PPP4C: variants seen among roughly 807,000 people sequenced by gnomAD.
The protein encoded by PPP4C is serine/threonine-protein phosphatase 4 catalytic subunit.
PPP4C carries 10 observed loss-of-function variants against 40.5 expected under a neutral mutation model. The observed-to-expected ratio is 0.25, with a 90% CI of 0.15 to 0.42. The LOEUF (loss-of-function observed/expected upper bound fraction) is 0.42, where lower values mean the gene tolerates loss of function less well. Among genes scored for constraint, PPP4C ranks in the 10% least tolerant of loss-of-function variants. PPP4C has a pLI of 1.00. For missense variants in PPP4C, 191 were observed against 416.4 expected (o/e 0.46, Z 4.71); for synonymous variants, 187 against 163.6 (o/e 1.14, Z -1.09).
intron 3 of PPP4C, among the ~76,000 whole-genome samples, chr16:30,082,053 T>TAA (rs760700971): frequency 4.1e-5 from 5 of 120,536 alleles, no homozygotes; most frequent in Admixed American, 8.3e-5. Context: ...AGACTCCGTC[T>TAA]AAAAAAAAAA....
chr16:30,083,534 C>T lies in PPP4C; in HGVS notation c.444C>T (p.Asp148=), dbSNP rs949871282. 1.2e-6 allele frequency: 2 copies of T among 1,614,024 alleles called. No individual in the cohort carries two copies. Among genetic ancestry groups the T allele is most frequent in the East Asian group, 2.2e-5 (1 of 44,890 alleles). Residue 148 remains aspartate, a synonymous_variant, in exon 6 of 9, where the codon GAC becomes GAT. Coordinates refer to ENST00000279387, the MANE Select transcript of PPP4C (RefSeq NM_002720.3). This position sits in a 1 kb window ranked among gnomAD's most constrained non-coding sequence, Gnocchi z 6.3. ...TVWRYCTEIF[D]YLSLSAIIDG... Reference sequence around the variant, plus strand: ...GGCGCTACTGCACTGAGATCTTTGACTACCTCAGCCTGTCAGCCATCATCG... The same window carrying T: ...GGCGCTACTGCACTGAGATCTTTGATTACCTCAGCCTGTCAGCCATCATCG...
chr16:30,081,554 G>A, intron 3 of PPP4C: 1 of 366,984 alleles, frequency 2.7e-6, no homozygotes, highest in Non-Finnish European at 5.1e-6. Context: ...AGACCAGCCT[G>A]GCCAACATGG....
rs778321444 is a variant in PPP4C at position 30,084,871 on chromosome 16, C to CGGGCT, written c.794+20_794+24dup. On this transcript the variant is annotated intron_variant, in intron 8 of 8. Transcript: ENST00000279387. ...ACTGCTACCGGTGAGCCGGCTGGGC[C>CGGGCT]GGGCTGGGATGGGCGGGCATCTGAG... 72 of 1,613,760 alleles carry CGGGCT rather than the reference C, an allele frequency of 4.5e-5. No homozygotes were observed. The highest frequency in any genetic ancestry group is 6.0e-5 in the Non-Finnish European group (71 of 1,179,778).
chr16:30,084,044 GA>G (rs1312135760), intron 7 of PPP4C, among the ~76,000 whole-genome samples: 1 of 152,240 alleles, frequency 6.6e-6, no homozygotes, highest in East Asian at 1.9e-4. Flanking sequence ...TCAGAGGTCA[GA>G]ACCCCAGAAT....
intron 4 of PPP4C, 86 bp downstream of exon 4, chr16:30,082,620 C>T (rs1351218696): frequency 1.5e-4 from 241 of 1,557,378 alleles, no homozygotes; most frequent in Non-Finnish European, 2.1e-4. Context: ...TAATTTGGGG[C>T]GTGGAGTGGG....
intron 7 of PPP4C, among the ~76,000 whole-genome samples, chr16:30,084,194 C>T (rs1167746960): frequency 6.6e-6 from 1 of 152,220 alleles, no homozygotes; most frequent in Middle Eastern, 3.4e-3. Flanking sequence ...TCTGCTCCAG[C>T]GCAGACACAC....
At position 30,084,707 on chromosome 16, in the gene PPP4C, C is replaced by G. The variant is rs1452306192; in HGVS notation, c.646C>G (p.Leu216Val). 1 of 1,614,276 alleles carries G rather than the reference C, an allele frequency of 6.2e-7. No individual in the cohort carries two copies. Among genetic ancestry groups the G allele is most frequent in the African/African-American group, 1.3e-5 (1 of 75,076 alleles). Residue 216 changes from leucine (L) to valine (V), a missense_variant, in exon 8 of 9, where the codon CTA becomes GTA. Physicochemically the swap from Leu to Val is conservative, Grantham distance 32 (BLOSUM62 1). This residue lies in a region of PPP4C where 171 missense variants were observed against 352.4 expected (regional missense o/e 0.49). Transcript: ENST00000279387. ...CGTGAGCCCCCGAGGAGCCGGCTAC[C>G]TATTTGGCAGTGACGTGGTGGCCCA... ...WGVSPRGAGY[L>V]FGSDVVAQFN...
chr16:30,081,109 T>C, intron 2 of PPP4C, 150 bp from the exon 3 acceptor site: 2 of 1,045,710 alleles, frequency 1.9e-6, no homozygotes, highest in Non-Finnish European at 2.9e-6. Flanking sequence ...TGAAGGGCCG[T>C]GGTCAGCCTG....
Position 30,083,048 on chromosome 16 carries a change from G to A in PPP4C, c.303+201G>A. ...GGGGCAGCATTCTGGGAGGGGCAGAGGCTCACTGTTGCGAATGTGGCAGGT... is the reference window on the plus strand; with the variant it reads ...GGGGCAGCATTCTGGGAGGGGCAGAAGCTCACTGTTGCGAATGTGGCAGGT... On this transcript the variant is annotated intron_variant, in intron 5 of 8. Transcript: ENST00000279387. This position sits in a 1 kb window ranked among gnomAD's most constrained non-coding sequence, Gnocchi z 6.3. The A allele has an allele frequency of 1.7e-6, 1 of 601,734 alleles. No individual in the cohort carries two copies. Among genetic ancestry groups the A allele is most frequent in the Non-Finnish European group, 2.9e-6 (1 of 341,442 alleles). 37.3% of individuals were successfully genotyped at this position (601,734 alleles called of 1,614,324 possible).
At position 30,084,760 on chromosome 16, in the gene PPP4C, G is replaced by A. The variant is rs777591499; in HGVS notation, c.699G>A (p.Met233Ile). 1 of 1,614,152 alleles carries A rather than the reference G, an allele frequency of 6.2e-7. No homozygotes were observed. The change falls in exon 8 of 9, where the codon ATG becomes ATA. Residue 233 changes from methionine (M) to isoleucine (I), a missense_variant. Physicochemically the swap from Met to Ile is conservative, Grantham distance 10. Transcript: ENST00000279387. Reference protein sequence around the residue: ...AQFNAANDIDMICRAHQLVME... With the variant: ...AQFNAANDIDIICRAHQLVME... The stretch of plus-strand genomic sequence containing the variant: ...TCAACGCAGCCAATGACATTGACAT[G>A]ATCTGCCGTGCCCACCAACTGGTGA...
At chr16:30,082,395 T>C (rs1283488303) in intron 3 of PPP4C, 89 bp from the exon 4 acceptor site, 1 of 1,351,568 alleles carries the variant, frequency 7.4e-7, no homozygotes, top group Middle Eastern at 1.8e-4. Context: ...CCAAGAGTGA[T>C]AAAGCTCACT....
At position 30,082,796 on chromosome 16, in the gene PPP4C, G is replaced by A; in HGVS notation, c.252G>A (p.Val84=). 6.2e-7 allele frequency: 1 copy of A among 1,614,106 alleles called. No homozygotes were observed. Among genetic ancestry groups the A allele is most frequent in the South Asian group, 1.1e-5 (1 of 91,078 alleles). Reference sequence around the variant, plus strand: ...ACTACCTCTTCATGGGGGACTTTGTGGACCGTGGCTTCTATAGCGTCGAAA... The same window carrying A: ...ACTACCTCTTCATGGGGGACTTTGTAGACCGTGGCTTCTATAGCGTCGAAA... ...ETNYLFMGDF[V]DRGFYSVETF... The change falls in exon 5 of 9, where the codon GTG becomes GTA. Residue 84 remains valine, a synonymous_variant. Transcript: ENST00000279387.
At chr16:30,081,015 C>T (rs1291431741) in intron 2 of PPP4C, among the ~76,000 whole-genome samples, 7 of 152,166 alleles carry the variant, frequency 4.6e-5, no homozygotes, top group African/African-American at 7.2e-5. Context: ...AAGTCCCAGC[C>T]TGCTCAGAAG....
At chr16:30,076,958 CAAGTAAGG>C (rs1482621031) in intron 2 of PPP4C, among the ~76,000 whole-genome samples, 2 of 152,270 alleles carry the variant, frequency 1.3e-5, no homozygotes, top group South Asian at 4.1e-4. Context: ...AAGTTACCCA[CAAGTAAGG>C]AATGGGGTCT....
At chr16:30,078,326 T>C (rs915481548) in intron 2 of PPP4C, among the ~76,000 whole-genome samples, 1 of 152,162 alleles carries the variant, frequency 6.6e-6, no homozygotes, top group Admixed American at 6.6e-5. Flanking sequence ...ATCACGCAGC[T>C]AGTCGGAGGG....
intron 2 of PPP4C, among the ~76,000 whole-genome samples, chr16:30,080,560 G>A (rs951928249): frequency 6.9e-6 from 1 of 145,380 alleles, no homozygotes; most frequent in Non-Finnish European, 1.5e-5. Flanking sequence ...AGGCTGGAGT[G>A]CAGTGGCGCG....
At chr16:30,079,004 G>A (rs2072454863) in intron 2 of PPP4C, among the ~76,000 whole-genome samples, 2 of 152,048 alleles carry the variant, frequency 1.3e-5, no homozygotes, top group Non-Finnish European at 2.9e-5. Context: ...CTGGCACTGA[G>A]GGGGGCTTTG....
At position 30,077,111 on chromosome 16, in the gene PPP4C, C is replaced by T. The variant is rs368282608; in HGVS notation, c.98+636C>T. Among the ~76,000 whole-genome samples the T allele has an allele frequency of 3.3e-5, 5 of 152,018 alleles. No homozygotes were observed. The East Asian group carries it at 9.6e-4, about 29-fold the overall frequency. On this transcript the variant is annotated intron_variant, in intron 2 of 8. Transcript: ENST00000279387. ...GGTAGAATTAAGCACGATAGGGAGG[C>T]CAGTTCAGAGTTCTGTGGGAAGTAG... is the stretch of plus-strand genomic sequence containing the variant.
chr16:30,081,443 C>T (rs2072504885), intron 3 of PPP4C, 133 bp downstream of exon 3: 1 of 729,844 alleles, frequency 1.4e-6, no homozygotes, highest in Non-Finnish European at 2.3e-6. Flanking sequence ...CAACGGAGCA[C>T]TGCTAAAAGA....
Sources: gnomAD v4.1 joint callset for allele counts (sites outside exome capture counted in the v4.1 genomes callset) on GRCh38, gnomAD v4.1.1 for gene constraint, gnomAD v4.1.1 regional missense constraint, Gnocchi (gnomAD v3.1) non-coding constraint, MANE v1.5 for transcripts, NCBI Gene and HGNC (gene_info 2026-07-23, HGNC 2026-07-21) for gene names.